Variants in RFFL observed in about 807,000 individuals in gnomAD.
RFFL encodes the protein ring finger and FYVE like domain containing E3 ubiquitin protein ligase.
A neutral mutation model predicts 40.4 loss-of-function variants in RFFL; 16 were observed. That is an observed-to-expected ratio of 0.40 (90% confidence interval 0.27 to 0.60). The LOEUF (loss-of-function observed/expected upper bound fraction) is 0.60, where lower values mean the gene tolerates loss of function less well. Ranked by LOEUF, RFFL falls within the 20% of genes least tolerant of loss-of-function variation. RFFL has a pLI of 0.47. For synonymous variants in RFFL, 154 were observed against 167.9 expected, an observed-to-expected ratio of 0.92 and a Z score of 0.64; for missense variants, 367 against 451.7, an observed-to-expected ratio of 0.81 and a Z score of 1.70.
intron 1 of RFFL, among the ~76,000 whole-genome samples, chr17:35,079,678 T>C (rs772259605): frequency 7.2e-5 from 11 of 152,176 alleles, no homozygotes; most frequent in East Asian, 1.9e-4. Flanking sequence ...CATTTCAGAG[T>C]TGGGAAACAC....
chr17:35,037,011 T>C (rs1020271945), intron 1 of RFFL, among the ~76,000 whole-genome samples: 5 of 152,230 alleles, frequency 3.3e-5, no homozygotes, highest in African/African-American at 9.6e-5. Flanking sequence ...TATTCTGATT[T>C]TAATTAACTG....
At chr17:35,031,663 G>A (rs1300280737) in intron 1 of RFFL, among the ~76,000 whole-genome samples, 7 of 151,914 alleles carry the variant, frequency 4.6e-5, no homozygotes, top group Admixed American at 1.3e-4. Flanking sequence ...AGGGGAAGAG[G>A]GGTGACCAGA....
intron 2 of RFFL, among the ~76,000 whole-genome samples, chr17:35,022,512 G>A (rs1274683356): frequency 2.0e-5 from 3 of 152,220 alleles, no homozygotes; most frequent in Non-Finnish European, 4.4e-5. Flanking sequence ...CACAGACAAA[G>A]CAACCGAGGC....
chr17:35,067,527 C>T (rs1164356195), upstream of RFFL, among the ~76,000 whole-genome samples: 5 of 148,188 alleles, frequency 3.4e-5, no homozygotes, highest in African/African-American at 7.5e-5. Context: ...CACAATTTCT[C>T]GGCTCACTGC....
At chr17:35,068,376 C>T (rs1470403492), upstream of RFFL, among the ~76,000 whole-genome samples, 1 of 152,184 alleles carries the variant, frequency 6.6e-6, no homozygotes, top group African/African-American at 2.4e-5. Context: ...TAGAGGCTGT[C>T]GCCATGGCAG....
intron 1 of RFFL, 53 bp from the exon 2 acceptor site, chr17:35,026,614 G>A (rs2091042799): frequency 2.1e-5 from 30 of 1,459,146 alleles, no homozygotes; most frequent in African/African-American, 2.8e-5. Flanking sequence ...CACCTCTACT[G>A]TCCTTTTGAT....
At position 35,026,397 on chromosome 17, in the gene RFFL, G is replaced by A. The variant is rs765057839; in HGVS notation, c.157C>T (p.His53Tyr). The A allele has an allele frequency of 1.9e-6, 3 of 1,613,864 alleles. No homozygotes were observed. Reference protein sequence around the residue: ...LEPSCKSCGAHFANTARKQTC... With the variant: ...LEPSCKSCGAYFANTARKQTC... ...ACCTTCCTGGCCGTGTTTGCAAAGTGAGCCCCACAGGACTTGCAGCTTGGT... is the reference window on the plus strand; with the variant it reads ...ACCTTCCTGGCCGTGTTTGCAAAGTAAGCCCCACAGGACTTGCAGCTTGGT... The change falls in exon 2 of 7, where the codon CAC (histidine) becomes TAC (tyrosine). Residue 53 changes from histidine to tyrosine, a missense_variant. By Grantham distance (83) the His-to-Tyr change is moderately conservative (BLOSUM62 2). Transcript: ENST00000394597.
intron 1 of RFFL, among the ~76,000 whole-genome samples, chr17:35,060,893 G>C (rs531923936): frequency 6.6e-6 from 1 of 152,288 alleles, no homozygotes; most frequent in South Asian, 2.1e-4. Context: ...AGACAGTGCT[G>C]TCTGTCAGAA....
intron 1 of RFFL, among the ~76,000 whole-genome samples, chr17:35,045,205 A>C (rs767091394): frequency 3.3e-5 from 5 of 151,874 alleles, no homozygotes; most frequent in Non-Finnish European, 7.4e-5. Context: ...ACTGTATCTA[A>C]TCAACTGGCT....
chr17:35,048,125 G>A lies in RFFL; in HGVS notation c.-9+15451C>T, dbSNP rs578227319. On this transcript the variant is annotated intron_variant, in intron 1 of 6. Coordinates refer to ENST00000394597, the MANE Select transcript of RFFL (RefSeq NM_001017368.2). ...TCTGCTTTTTAAAAATTTAGGGGCC[G>A]GGCACGGTGGCTCATGCCTGTAATC... 3.2e-4 allele frequency among the ~76,000 whole-genome samples: 48 copies of A among 152,096 alleles called. 2 individuals are homozygous for A. The South Asian group carries it at 4.4e-3, about 14-fold the overall frequency.
At chr17:35,089,173 G>C (rs2091446581) in exon 1 of RFFL, 1 of 152,026 alleles carries the variant, frequency 6.6e-6, no homozygotes, top group Non-Finnish European at 1.5e-5. Flanking sequence ...TCCCGGCCGC[G>C]GACGCCTCAG....
intron 1 of RFFL, among the ~76,000 whole-genome samples, chr17:35,076,443 A>G (rs2091376941): frequency 6.6e-6 from 1 of 151,812 alleles, no homozygotes; most frequent in Admixed American, 6.6e-5. Context: ...CACTTTGGGA[A>G]GCCAAGGTGG....
chr17:35,027,265 C>A (rs1159067283), intron 1 of RFFL, among the ~76,000 whole-genome samples: 1 of 152,158 alleles, frequency 6.6e-6, no homozygotes, highest in Non-Finnish European at 1.5e-5. Context: ...TACTTTCTTG[C>A]ACAGTTATAT....
intron 1 of RFFL, among the ~76,000 whole-genome samples, chr17:35,063,179 G>A (rs1212197690): frequency 6.6e-6 from 1 of 152,050 alleles, no homozygotes; most frequent in Non-Finnish European, 1.5e-5. Flanking sequence ...CTTCTGGCCG[G>A]GGGCCGTGGC....
chr17:35,059,293 A>G (rs2091279074), intron 1 of RFFL, among the ~76,000 whole-genome samples: 2 of 152,120 alleles, frequency 1.3e-5, no homozygotes, highest in African/African-American at 2.4e-5. Context: ...TGCTGAGATT[A>G]CAGGCATGAG....
At position 35,021,883 on chromosome 17, in the gene RFFL, C is replaced by T. The variant is rs968682170; in HGVS notation, c.181-102G>A. On this transcript the variant is annotated intron_variant, in intron 2 of 6. Coordinates refer to ENST00000394597, the MANE Select transcript of RFFL (RefSeq NM_001017368.2). The stretch of plus-strand genomic sequence containing the variant: ...CTGCCAAGCCCAGCAGGATCTCCTC[C>T]AGTCACTCTTACTTTTACTAAGCTC... The T allele has an allele frequency of 5.3e-6, 6 of 1,132,476 alleles. No homozygotes were observed. In the Admixed American group the frequency reaches 6.0e-5, roughly 11 times the overall value. 70.2% of individuals were successfully genotyped at this position (1,132,476 alleles called of 1,614,324 possible).
Position 35,011,902 on chromosome 17 carries a change from C to T in RFFL, c.*66G>A. On this transcript the variant is annotated 3_prime_UTR_variant, in exon 7 of 7. Transcript: ENST00000394597. Reference sequence around the variant, plus strand: ...ACTAGCTTGCTCCTCTGCAAGCTGGCCAACCCTGAGCCCAGACACCCCAGG... The same window carrying T: ...ACTAGCTTGCTCCTCTGCAAGCTGGTCAACCCTGAGCCCAGACACCCCAGG... The T allele has an allele frequency of 6.5e-7, 1 of 1,531,726 alleles. No individual in the cohort carries two copies. The highest frequency in any genetic ancestry group is 8.9e-7 in the Non-Finnish European group (1 of 1,120,520). 94.9% of individuals were successfully genotyped at this position (1,531,726 alleles called of 1,614,324 possible). A position where few individuals can be genotyped will look rare whatever the true frequency, so the allele number is the denominator to read the frequency against.
chr17:35,028,988 T>C (rs534194611), intron 1 of RFFL, among the ~76,000 whole-genome samples: 1 of 152,098 alleles, frequency 6.6e-6, no homozygotes, highest in East Asian at 1.9e-4. Flanking sequence ...CAGTGCCCAA[T>C]TAGACAGGTA....
chr17:35,045,711 G>T (rs62062378), intron 1 of RFFL, among the ~76,000 whole-genome samples: 1 of 151,996 alleles, frequency 6.6e-6, no homozygotes, highest in African/African-American at 2.4e-5. Context: ...AAAAAAAAAG[G>T]ACAGAAATTC....
Sources: gnomAD v4.1 joint callset for allele counts (sites outside exome capture counted in the v4.1 genomes callset) on GRCh38, gnomAD v4.1.1 for gene constraint, MANE v1.5 for transcripts, NCBI Gene and HGNC (gene_info 2026-07-23, HGNC 2026-07-21) for gene names.